The following ARHGDIB variants were observed in gnomAD, a reference collection of about 807,000 sequenced individuals.
ARHGDIB encodes Rho GDP dissociation inhibitor beta.
In ARHGDIB, 20 loss-of-function variants were observed where a neutral mutation model predicts 22.6. The observed-to-expected ratio is 0.88, with a 90% CI of 0.62 to 1.28. ARHGDIB has a LOEUF of 1.28. Among genes scored for constraint, ARHGDIB ranks in the 50% most tolerant of loss-of-function variants. The pLI is 0.00. For synonymous variants in ARHGDIB, 114 were observed against 96.1 expected (o/e 1.19, Z -1.09); for missense variants, 254 against 245.4 (o/e 1.04, Z -0.23).
intron 5 of ARHGDIB, 148 bp from the exon 6 acceptor site, chr12:14,942,869 C>CGT: frequency 1.5e-6 from 1 of 652,800 alleles, no homozygotes; most frequent in Non-Finnish European, 2.5e-6. Flanking sequence ...TTACCTGAGG[C>CGT]ATCTTTTTTT....
At position 14,949,734 on chromosome 12, in the gene ARHGDIB, A is replaced by G. The variant is rs575028692; in HGVS notation, c.265+68T>C. The stretch of plus-strand genomic sequence containing the variant: ...ACCAGTTTTCTTCTGTTGGAACAGG[A>G]GACAGAGACCAAGTTTTCTTTGTGA... On this transcript the variant is annotated intron_variant, in intron 3 of 5. Coordinates refer to ENST00000228945, the MANE Select transcript of ARHGDIB (RefSeq NM_001175.7). The G allele has an allele frequency of 3.5e-6, 5 of 1,431,050 alleles. No homozygotes were observed. The African/African-American group carries it at 7.0e-5, about 20-fold the overall frequency. The allele number at this position is 1,431,050 out of a possible 1,614,324, so 88.6% of individuals were successfully genotyped here. A position where few individuals can be genotyped will look rare whatever the true frequency, so the allele number is the denominator to read the frequency against.
intron 1 of ARHGDIB, among the ~76,000 whole-genome samples, chr12:14,952,721 G>T (rs1307841145): frequency 1.3e-5 from 2 of 152,186 alleles, no homozygotes; most frequent in East Asian, 3.9e-4. Context: ...GGTGATCCCC[G>T]GAGGATGGGG....
chr12:14,946,652 C>A (rs1864021921), intron 4 of ARHGDIB, among the ~76,000 whole-genome samples: 1 of 152,146 alleles, frequency 6.6e-6, no homozygotes, highest in Non-Finnish European at 1.5e-5. Flanking sequence ...TCCACACAGA[C>A]CCACATACCA....
At chr12:14,958,688 A>G (rs898372274) in intron 1 of ARHGDIB, among the ~76,000 whole-genome samples, 3 of 152,230 alleles carry the variant, frequency 2.0e-5, no homozygotes, top group Non-Finnish European at 2.9e-5. Context: ...TTAAATTAGC[A>G]TGAAAAGTTA....
chr12:14,959,361 C>CA lies in ARHGDIB; in HGVS notation c.-13+2175dup, dbSNP rs201772326. ...TGAGCCTCCTGAGTAGGTAGGACCA[C>CA]AGGCACGCACCACCATGCCCTGTGA... On this transcript the variant is annotated intron_variant, in intron 1 of 5. Coordinates refer to ENST00000228945, the MANE Select transcript of ARHGDIB (RefSeq NM_001175.7). 6.7e-3 allele frequency among the ~76,000 whole-genome samples: 1,022 copies of CA among 152,306 alleles called. 23 individuals are homozygous for CA. The highest frequency in any genetic ancestry group is 0.025 in the East Asian group (131 of 5,180).
At chr12:14,943,352 G>T (rs1258803809) in intron 5 of ARHGDIB, among the ~76,000 whole-genome samples, 5 of 151,276 alleles carry the variant, frequency 3.3e-5, no homozygotes, top group African/African-American at 1.2e-4. Context: ...GGAACCAGTG[G>T]CCTAAATCAA....
At chr12:14,959,817 G>A (rs1208532640) in intron 1 of ARHGDIB, among the ~76,000 whole-genome samples, 2 of 152,204 alleles carry the variant, frequency 1.3e-5, no homozygotes, top group Non-Finnish European at 2.9e-5. Context: ...TGACAGCATA[G>A]TTAGTCCTCA....
At chr12:14,957,925 A>G (rs538843196) in intron 1 of ARHGDIB, among the ~76,000 whole-genome samples, 1 of 152,170 alleles carries the variant, frequency 6.6e-6, no homozygotes, top group East Asian at 1.9e-4. Flanking sequence ...GAAAAGTGGA[A>G]ATACCAGAAG....
At chr12:14,948,476 T>TC (rs1864083007) in intron 3 of ARHGDIB, among the ~76,000 whole-genome samples, 1 of 152,260 alleles carries the variant, frequency 6.6e-6, no homozygotes, top group Non-Finnish European at 1.5e-5. Context: ...TAAGAAAATG[T>TC]TCACCTTTGT....
chr12:14,946,075 G>C (rs899641640), intron 4 of ARHGDIB, among the ~76,000 whole-genome samples: 1 of 152,230 alleles, frequency 6.6e-6, no homozygotes, highest in African/African-American at 2.4e-5. Context: ...GCGCTCTTCA[G>C]TGGGTCCATT....
At chr12:14,943,120 G>A (rs1375077187) in intron 5 of ARHGDIB, among the ~76,000 whole-genome samples, 3 of 151,938 alleles carry the variant, frequency 2.0e-5, no homozygotes, top group Admixed American at 1.3e-4. Flanking sequence ...CACCCGCCTC[G>A]GCCTCCCAAA....
chr12:14,948,081 G>T, intron 3 of ARHGDIB, 132 bp from the exon 4 acceptor site: 3 of 611,646 alleles, frequency 4.9e-6, no homozygotes, highest in Non-Finnish European at 8.9e-6. Flanking sequence ...AATTCACAGA[G>T]TATTTGAGTT....
intron 3 of ARHGDIB, 131 bp from the exon 4 acceptor site, chr12:14,948,080 A>G: frequency 4.8e-6 from 3 of 619,932 alleles, no homozygotes; most frequent in Non-Finnish European, 8.8e-6. Flanking sequence ...CAATTCACAG[A>G]GTATTTGAGT....
At chr12:14,947,655 T>G in intron 4 of ARHGDIB, 1 of 520,474 alleles carries the variant, frequency 1.9e-6, no homozygotes, top group South Asian at 2.5e-5. Context: ...TAAGAGATAA[T>G]GAAGAGTTTA....
At position 14,949,794 on chromosome 12, in the gene ARHGDIB, C is replaced by G. The variant is rs746220168; in HGVS notation, c.265+8G>C. ...CCCCCTTTGAACAGTACAGATGTGT[C>G]TACATACCAGTAAGGTCCATGGTGA... On this transcript the variant is annotated splice_region_variant and intron_variant, in intron 3 of 5. Transcript: ENST00000228945. 10 of 1,612,946 alleles carry G rather than the reference C, an allele frequency of 6.2e-6. No homozygotes were observed. The highest frequency in any genetic ancestry group is 1.3e-5 in the African/African-American group (1 of 74,840).
In ARHGDIB at chr12:14,944,822, C is replaced by T; in HGVS notation, c.360G>A (p.Val120=). The T allele has an allele frequency of 6.2e-7, 1 of 1,613,460 alleles. No individual in the cohort carries two copies. The highest frequency in any genetic ancestry group is 8.5e-7 in the Non-Finnish European group (1 of 1,179,686). ...KIHFKVNRDI[V]SGLKYVQHTY... ...TGTGCTGAACGTATTTCAGGCCTGA[C>T]ACAATATCCCTGTTCACCTGCAGGT... Residue 120 remains valine (V), a synonymous_variant, in exon 5 of 6, where the codon GTG becomes GTA. Transcript: ENST00000228945.
Position 14,948,943 on chromosome 12 carries a change from C to G in ARHGDIB, c.265+859G>C, listed in dbSNP as rs139518613. The G allele has an allele frequency of 3.9e-5, 6 of 152,484 alleles. No individual in the cohort carries two copies. In the East Asian group the frequency reaches 1.2e-3, roughly 29 times the overall value. The allele number at this position is 152,484 out of a possible 1,614,324, so 9.4% of individuals were successfully genotyped here. The stretch of plus-strand genomic sequence containing the variant: ...TGAACAGGAAGTGTGCCTTCTCAGC[C>G]TCTGATTTCCTCCCTCTGACAAAAA... On this transcript the variant is annotated intron_variant, in intron 3 of 5. Coordinates refer to ENST00000228945, the MANE Select transcript of ARHGDIB (RefSeq NM_001175.7).
At chr12:14,946,528 G>A (rs903479963) in intron 4 of ARHGDIB, among the ~76,000 whole-genome samples, 7 of 152,164 alleles carry the variant, frequency 4.6e-5, no homozygotes, top group African/African-American at 1.7e-4. Flanking sequence ...ACAAGCCACA[G>A]GATGGTTCAA....
At chr12:14,952,859 C>A (rs1362876244) in intron 1 of ARHGDIB, among the ~76,000 whole-genome samples, 1 of 152,170 alleles carries the variant, frequency 6.6e-6, no homozygotes, top group Non-Finnish European at 1.5e-5. Context: ...TTGAATGAAA[C>A]CTGGCCATCA....
Sources: allele counts gnomAD v4.1 joint callset (sites outside exome capture counted in the v4.1 genomes callset), GRCh38; gene constraint gnomAD v4.1.1; transcripts MANE v1.5; gene names NCBI Gene and HGNC (gene_info 2026-07-23, HGNC 2026-07-21).